Variants in FAM53C observed in about 807,000 individuals in gnomAD.
The protein encoded by FAM53C is protein FAM53C.
FAM53C carries 10 observed loss-of-function variants against 34.7 expected under a neutral mutation model. The ratio of observed to expected loss-of-function variants is 0.29; its 90% confidence interval spans 0.18 to 0.49. FAM53C has a LOEUF of 0.49. Among genes scored for constraint, FAM53C ranks in the 20% least tolerant of loss-of-function variants. The probability of loss-of-function intolerance (pLI) is 0.99; values close to 1 mark genes in which losing one functional copy is unlikely to be tolerated. For missense variants in FAM53C, 442 were observed against 515.3 expected, an observed-to-expected ratio of 0.86 and a Z score of 1.38; for synonymous variants, 203 against 203.6, an observed-to-expected ratio of 1.00 and a Z score of 0.03.
intron 3 of FAM53C, among the ~76,000 whole-genome samples, chr5:138,344,373 C>T (rs548476395): frequency 6.6e-6 from 1 of 152,176 alleles, no homozygotes; most frequent in South Asian, 2.1e-4. Flanking sequence ...GAGGAAAGGC[C>T]GAGAAAGAAG....
At position 138,338,596 on chromosome 5, in the gene FAM53C, C is replaced by T. The variant is rs903321964; in HGVS notation, c.-153+289C>T. On this transcript the variant is annotated intron_variant, in intron 1 of 4. Transcript: ENST00000239906. Reference sequence around the variant, plus strand: ...CTGAGCGAGCCCTGGCGCACCCCCCCCCCCGCCCCGGGGACCAGCGGACGC... The same window carrying T: ...CTGAGCGAGCCCTGGCGCACCCCCCTCCCCGCCCCGGGGACCAGCGGACGC... 6.8e-4 allele frequency among the ~76,000 whole-genome samples: 102 copies of T among 150,640 alleles called. 1 individual carries two copies. Among genetic ancestry groups the T allele is most frequent in the African/African-American group, 2.4e-3 (98 of 41,158 alleles).
chr5:138,339,616 TC>T (rs1339179806), intron 1 of FAM53C, among the ~76,000 whole-genome samples: 1 of 151,788 alleles, frequency 6.6e-6, no homozygotes, highest in Non-Finnish European at 1.5e-5. Context: ...GCACTTAGGT[TC>T]CCTCTCTGGT....
rs535091734 is a variant in FAM53C at position 138,338,297 on chromosome 5, G to C, written c.-163G>C. On this transcript the variant is annotated 5_prime_UTR_variant, in exon 1 of 5. Transcript: ENST00000239906. The stretch of plus-strand genomic sequence containing the variant: ...GCTCCGGCCGCGGCCCTGGGAGCTG[G>C]AGGAACCGCGGTAGGTGGTGGAGGG... 3 of 659,890 alleles carry C rather than the reference G, an allele frequency of 4.5e-6. No individual in the cohort carries two copies. The highest frequency in any genetic ancestry group is 7.2e-6 in the Non-Finnish European group (3 of 415,862). The allele number at this position is 659,890 out of a possible 1,614,324, so 40.9% of individuals were successfully genotyped here.
In FAM53C at chr5:138,338,313, T is replaced by C. The variant is rs1320475805; in HGVS notation, c.-153+6T>C. 1.9e-6 allele frequency: 1 copy of C among 526,116 alleles called. No homozygotes were observed. The highest frequency in any genetic ancestry group is 2.0e-5 in the African/African-American group (1 of 50,654). The allele number at this position is 526,116 out of a possible 1,614,324, so 32.6% of individuals were successfully genotyped here. On this transcript the variant is annotated splice_donor_region_variant and intron_variant, in intron 1 of 4. Coordinates refer to ENST00000239906, the MANE Select transcript of FAM53C (RefSeq NM_016605.3). Reference sequence around the variant, plus strand: ...TGGGAGCTGGAGGAACCGCGGTAGGTGGTGGAGGGCAGGTGGCGCTGGGGC... The same window carrying C: ...TGGGAGCTGGAGGAACCGCGGTAGGCGGTGGAGGGCAGGTGGCGCTGGGGC...
intron 1 of FAM53C, among the ~76,000 whole-genome samples, chr5:138,339,664 C>G (rs1016929576): frequency 6.6e-6 from 1 of 152,136 alleles, no homozygotes; most frequent in African/African-American, 2.4e-5. Context: ...AAACCAAGAG[C>G]AGAAGTGATA....
chr5:138,347,379 C>T lies in FAM53C; in HGVS notation c.*420C>T, dbSNP rs796480845. The T allele has an allele frequency of 8.5e-5, 20 of 234,198 alleles. No homozygotes were observed. The highest frequency in any genetic ancestry group is 3.0e-4 in the African/African-American group (13 of 42,932). The allele number at this position is 234,198 out of a possible 1,614,324, so 14.5% of individuals were successfully genotyped here. ...CAGAGAAACTGCGTGAGAGTGTGTG[C>T]GTGCATGGGAGTGTACTTGTGGAAA... On this transcript the variant is annotated 3_prime_UTR_variant, in exon 5 of 5. Transcript: ENST00000239906.
In FAM53C at chr5:138,345,156, G is replaced by A. The variant is rs760937726; in HGVS notation, c.468G>A (p.Pro156=). 8.1e-6 allele frequency: 13 copies of A among 1,614,032 alleles called. No individual in the cohort carries two copies. In the Admixed American group the frequency reaches 1.0e-4, roughly 12 times the overall value. Reference sequence around the variant, plus strand: ...GGGGCAGTGGTGGAGGGGGTGGGCCGCAGGTGCCTCACCAGAGCCCCCCAA... The same window carrying A: ...GGGGCAGTGGTGGAGGGGGTGGGCCACAGGTGCCTCACCAGAGCCCCCCAA... ...KHRGSGGGGG[P]QVPHQSPPKR... The change falls in exon 4 of 5, where the codon CCG becomes CCA. Residue 156 remains proline (P), a synonymous_variant. Coordinates refer to ENST00000239906, the MANE Select transcript of FAM53C (RefSeq NM_016605.3). This position sits in a 1 kb window ranked among gnomAD's most constrained non-coding sequence, Gnocchi z 6.3.
In FAM53C at chr5:138,345,445, G is replaced by T. The variant is rs756459546; in HGVS notation, c.757G>T (p.Ala253Ser). 11 of 1,613,702 alleles carry T rather than the reference G, an allele frequency of 6.8e-6. No individual in the cohort carries two copies. The African/African-American group carries it at 1.5e-4, about 22-fold the overall frequency. ...RFLPSARSSP[A>S]SSPELPWRPR... The stretch of plus-strand genomic sequence containing the variant: ...CTTGCCCTCTGCCCGGAGCTCTCCC[G>T]CATCCTCCCCAGAGCTGCCCTGGCG... Residue 253 changes from alanine to serine, a missense_variant, in exon 4 of 5, where the codon GCA becomes TCA. Transcript: ENST00000239906. The surrounding 1 kb of genome is among the most constrained non-coding windows in gnomAD (Gnocchi z 6.3).
intron 1 of FAM53C, among the ~76,000 whole-genome samples, chr5:138,339,643 G>A (rs778928435): frequency 5.3e-5 from 8 of 152,146 alleles, no homozygotes; most frequent in Non-Finnish European, 8.8e-5. Context: ...TTTGAGGGCA[G>A]CAGAGTTAAG....
rs1011985826 is a variant in FAM53C at position 138,345,716 on chromosome 5, C to T, written c.921+107C>T. ...ATTACCCTGCCGCCCCCACCACCAA[C>T]AGCACCTCCTTTAGCTCTTAGCTAG... On this transcript the variant is annotated intron_variant, in intron 4 of 4. Coordinates refer to ENST00000239906, the MANE Select transcript of FAM53C (RefSeq NM_016605.3). The surrounding 1 kb of genome is among the most constrained non-coding windows in gnomAD (Gnocchi z 6.3). 3 of 1,300,218 alleles carry T rather than the reference C, an allele frequency of 2.3e-6. No homozygotes were observed. Among genetic ancestry groups the T allele is most frequent in the Non-Finnish European group, 3.2e-6 (3 of 944,194 alleles). 80.5% of individuals were successfully genotyped at this position (1,300,218 alleles called of 1,614,324 possible).
At chr5:138,339,644 C>A (rs887230931) in intron 1 of FAM53C, among the ~76,000 whole-genome samples, 1 of 152,168 alleles carries the variant, frequency 6.6e-6, no homozygotes, top group African/African-American at 2.4e-5. Flanking sequence ...TTGAGGGCAG[C>A]AGAGTTAAGA....
At position 138,345,292 on chromosome 5, in the gene FAM53C, T is replaced by G. The variant is rs1761138314; in HGVS notation, c.604T>G (p.Ser202Ala). The change falls in exon 4 of 5, where the codon TCC (serine) becomes GCC (alanine). Residue 202 changes from serine to alanine, a missense_variant. By Grantham distance (99) the Ser-to-Ala change is moderately conservative. Transcript: ENST00000239906. The surrounding 1 kb of genome is among the most constrained non-coding windows in gnomAD (Gnocchi z 6.3). ...CTTCAGCCTGGCCCTGGCCCAAGAT[T>G]CCTCTCGACCCTGCGCCGCCTCCCC... is the stretch of plus-strand genomic sequence containing the variant. The part of the protein sequence containing the change: ...PFFSLALAQD[S>A]SRPCAASPQS... The G allele has an allele frequency of 6.2e-7, 1 of 1,614,014 alleles. No homozygotes were observed. The highest frequency in any genetic ancestry group is 1.7e-5 in the Admixed American group (1 of 60,008).
In FAM53C at chr5:138,348,914, A is replaced by C. The variant is rs1761251632; in HGVS notation, c.*1955A>C. 1.3e-5 allele frequency: 2 copies of C among 152,246 alleles called. No homozygotes were observed. Among genetic ancestry groups the C allele is most frequent in the Admixed American group, 6.5e-5 (1 of 15,280 alleles). The allele number at this position is 152,246 out of a possible 1,614,324, so 9.4% of individuals were successfully genotyped here. ...CTCATCCCAGGGCTCTCTGCTGTAG[A>C]TTGGCTGTGCCAGCTTCCAACAGGT... is the stretch of plus-strand genomic sequence containing the variant. On this transcript the variant is annotated 3_prime_UTR_variant, in exon 5 of 5. Coordinates refer to ENST00000239906, the MANE Select transcript of FAM53C (RefSeq NM_016605.3).
In FAM53C at chr5:138,348,884, G is replaced by T. The variant is rs773476981; in HGVS notation, c.*1925G>T. 1.4e-4 allele frequency: 21 copies of T among 152,412 alleles called. No individual in the cohort carries two copies. Among genetic ancestry groups the T allele is most frequent in the Non-Finnish European group, 2.8e-4 (19 of 68,150 alleles). The allele number at this position is 152,412 out of a possible 1,614,324, so 9.4% of individuals were successfully genotyped here. A position where few individuals can be genotyped will look rare whatever the true frequency, so the allele number is the denominator to read the frequency against. On this transcript the variant is annotated 3_prime_UTR_variant, in exon 5 of 5. Coordinates refer to ENST00000239906, the MANE Select transcript of FAM53C (RefSeq NM_016605.3). ...GGTGCCAATTTCTTTTCCTCCTGGG[G>T]CATCCTCATCCCAGGGCTCTCTGCT...
chr5:138,346,038 A>G (rs1319337913), intron 4 of FAM53C, among the ~76,000 whole-genome samples: 2 of 152,240 alleles, frequency 1.3e-5, no homozygotes, highest in Non-Finnish European at 1.5e-5. Context: ...GGGCTGCTAC[A>G]GTGTATTCAT....
Position 138,347,042 on chromosome 5 carries a change from C to T in FAM53C, c.*83C>T, listed in dbSNP as rs1580861223. 1.3e-5 allele frequency: 21 copies of T among 1,574,354 alleles called. No homozygotes were observed. The highest frequency in any genetic ancestry group is 2.2e-4 in the Middle Eastern group (1 of 4,582). ...GTGTCGAGTCCCCAAGGCTGGGGGC[C>T]GAGCCTGGGAATGGGGGTGAGTGGA... On this transcript the variant is annotated 3_prime_UTR_variant, in exon 5 of 5. Coordinates refer to ENST00000239906, the MANE Select transcript of FAM53C (RefSeq NM_016605.3).
In FAM53C at chr5:138,341,501, G is replaced by T. The variant is rs534183977; in HGVS notation, c.78+88G>T. The T allele has an allele frequency of 1.4e-4, 167 of 1,218,810 alleles. No homozygotes were observed. The Middle Eastern group carries it at 4.8e-3, about 35-fold the overall frequency. The allele number at this position is 1,218,810 out of a possible 1,614,324, so 75.5% of individuals were successfully genotyped here. On this transcript the variant is annotated intron_variant, in intron 2 of 4. Transcript: ENST00000239906. Reference sequence around the variant, plus strand: ...TGCTATTACTTTACTCTTGTCCTGTGCTGTATGAATCATGGTACTTAACCT... The same window carrying T: ...TGCTATTACTTTACTCTTGTCCTGTTCTGTATGAATCATGGTACTTAACCT...
In FAM53C at chr5:138,344,789, A is replaced by G. The variant is rs769737303; in HGVS notation, c.137-36A>G. On this transcript the variant is annotated intron_variant, in intron 3 of 4. Coordinates refer to ENST00000239906, the MANE Select transcript of FAM53C (RefSeq NM_016605.3). ...GGTAAGTTCTTAAAAAATGTAAGCT[A>G]TCATTAATATTATTCTTATTATAAA... 1.4e-5 allele frequency: 21 copies of G among 1,473,868 alleles called. No individual in the cohort carries two copies. The East Asian group carries it at 4.7e-4, about 33-fold the overall frequency. 91.3% of individuals were successfully genotyped at this position (1,473,868 alleles called of 1,614,324 possible).
At chr5:138,342,109 C>T (rs145414217) in intron 3 of FAM53C, 123 of 480,744 alleles carry the variant, frequency 2.6e-4, no homozygotes, top group African/African-American at 2.2e-3. Context: ...AATACATTCA[C>T]ATGGTTCAAA....
Sources: allele counts gnomAD v4.1 joint callset (sites outside exome capture counted in the v4.1 genomes callset), GRCh38; gene constraint gnomAD v4.1.1; non-coding constraint Gnocchi (gnomAD v3.1); transcripts MANE v1.5; gene names NCBI Gene and HGNC (gene_info 2026-07-23, HGNC 2026-07-21).